The following GJB6 variants were observed in gnomAD, a reference collection of about 807,000 sequenced individuals.
The protein encoded by GJB6 is gap junction protein beta 6.
A neutral mutation model predicts 5.4 loss-of-function variants in GJB6; 5 were observed. The ratio of observed to expected loss-of-function variants is 0.92; its 90% CI spans 0.48 to 1.93. The LOEUF (loss-of-function observed/expected upper bound fraction) is 1.93, where lower values mean the gene tolerates loss of function less well. Among genes scored for constraint, GJB6 ranks in the 30% most tolerant of loss-of-function variants. The pLI, the probability that GJB6 is intolerant of heterozygous loss-of-function variation, is 0.01. For synonymous variants in GJB6, 136 were observed against 129.6 expected, an observed-to-expected ratio of 1.05 and a Z score of -0.34; for missense variants, 298 against 326.9, an observed-to-expected ratio of 0.91 and a Z score of 0.68.
intron 4 of GJB6, among the ~76,000 whole-genome samples, chr13:20,223,806 A>G (rs992748256): frequency 5.3e-5 from 8 of 151,444 alleles, no homozygotes; most frequent in African/African-American, 2.0e-4. Flanking sequence ...TCTACTAACA[A>G]TACGAAAAAA....
rs762799704 is a variant in GJB6 at position 20,223,168 on chromosome 13, TG to T, written c.312del (p.Lys105SerfsTer14). 9.9e-6 allele frequency: 16 copies of T among 1,613,512 alleles called. No individual in the cohort carries two copies. Among genetic ancestry groups the T allele is most frequent in the Non-Finnish European group, 1.1e-5 (13 of 1,179,582 alleles). ...HVAYYRHETT[R>X]KFRRGEKRND... ...TTCCTCTTCTCTCCTCGCCTGAACT[TG>T]CGAGTGGTTTCGTGCCTGTAGTAGG... On this transcript the variant is annotated frameshift_variant, in exon 5 of 5. Coordinates refer to ENST00000647029, the MANE Select transcript of GJB6 (RefSeq NM_001110219.3). LOFTEE classifies it low-confidence loss of function (END_TRUNC).
rs761985641 is a variant in GJB6 at position 20,223,372 on chromosome 13, C to T, written c.109G>A (p.Val37Met). 65 of 1,614,046 alleles carry T rather than the reference C, an allele frequency of 4.0e-5. No individual in the cohort carries two copies. Among genetic ancestry groups the T allele is most frequent in the Admixed American group, 5.0e-5 (3 of 60,002 alleles). Reference sequence around the variant, plus strand: ...CCCCACACTTCCTGGGCAGCCACCACGAGGATCATGACTCGGAAAATAAAG... The same window carrying T: ...CCCCACACTTCCTGGGCAGCCACCATGAGGATCATGACTCGGAAAATAAAG... ...VIFIFRVMIL[V>M]VAAQEVWGDE... The change falls in exon 5 of 5, where the codon GTG (valine) becomes ATG (methionine). Residue 37 changes from valine (V) to methionine (M), a missense_variant. Val to Met is a conservative substitution (Grantham distance 21). Transcript: ENST00000647029.
intron 4 of GJB6, among the ~76,000 whole-genome samples, chr13:20,224,017 G>C (rs980837389): frequency 6.6e-6 from 1 of 152,048 alleles, no homozygotes; most frequent in African/African-American, 2.4e-5. Flanking sequence ...CTTTTTGGAA[G>C]AGGGGTTAGG....
chr13:20,232,296 T>G lies in GJB6; in HGVS notation c.-522A>C, dbSNP rs1196278440. 1 of 149,942 alleles carries G rather than the reference T, an allele frequency of 6.7e-6. No individual in the cohort carries two copies. The highest frequency in any genetic ancestry group is 1.5e-5 in the Non-Finnish European group (1 of 67,662). The allele number at this position is 149,942 out of a possible 1,614,324, so 9.3% of individuals were successfully genotyped here. A position where few individuals can be genotyped will look rare whatever the true frequency, so the allele number is the denominator to read the frequency against. ...GCTCGGGCGCCGCCGGCTGTCGGGC[T>G]CTCGTCGGGTTTCGGGTGAAGGCCC... On this transcript the variant is annotated 5_prime_UTR_variant, in exon 1 of 5. Coordinates refer to ENST00000647029, the MANE Select transcript of GJB6 (RefSeq NM_001110219.3).
chr13:20,228,968 TAA>T (rs1365954420), intron 4 of GJB6, among the ~76,000 whole-genome samples: 1 of 151,948 alleles, frequency 6.6e-6, no homozygotes, highest in Non-Finnish European at 1.5e-5. Context: ...TTGATTGTTT[TAA>T]AACTTCTTAG....
chr13:20,223,403 T>A lies in GJB6; in HGVS notation c.78A>T (p.Thr26=), dbSNP rs1342011242. 1 of 1,614,066 alleles carries A rather than the reference T, an allele frequency of 6.2e-7. No individual in the cohort carries two copies. The highest frequency in any genetic ancestry group is 8.5e-7 in the Non-Finnish European group (1 of 1,179,954). ...TCATGACTCGGAAAATAAAGATGAC[T>A]GTGATCCACACCTTCCCGATGCTGG... ...HSTSIGKVWI[T]VIFIFRVMIL... is the part of the protein sequence containing the mutation. The change falls in exon 5 of 5, where the codon ACA becomes ACT. Residue 26 remains threonine (T), a synonymous_variant. Transcript: ENST00000647029.
In GJB6 at chr13:20,231,365, G is replaced by C. The variant is rs1051135545; in HGVS notation, c.-296+17C>G. ...AACCCCTCCGGGAGTGCAGAGCTGCGGGCAGGCCACACTCACCCTGACCCT... is the reference window on the plus strand; with the variant it reads ...AACCCCTCCGGGAGTGCAGAGCTGCCGGCAGGCCACACTCACCCTGACCCT... On this transcript the variant is annotated intron_variant, in intron 2 of 4. Transcript: ENST00000647029. 6 of 152,186 alleles carry C rather than the reference G, an allele frequency of 3.9e-5. No homozygotes were observed. Among genetic ancestry groups the C allele is most frequent in the Admixed American group, 1.3e-4 (2 of 15,268 alleles). The allele number at this position is 152,186 out of a possible 1,614,324, so 9.4% of individuals were successfully genotyped here. A position where few individuals can be genotyped will look rare whatever the true frequency, so the allele number is the denominator to read the frequency against.
intron 4 of GJB6, among the ~76,000 whole-genome samples, chr13:20,228,848 T>C (rs1869835216): frequency 6.6e-6 from 1 of 151,700 alleles, no homozygotes. Flanking sequence ...AAGTAAACCA[T>C]GGACTTTACT....
chr13:20,230,052 A>G (rs1013288441), intron 3 of GJB6: 2 of 152,232 alleles, frequency 1.3e-5, no homozygotes, highest in African/African-American at 2.4e-5. Flanking sequence ...GACACTGGCT[A>G]CACCCTGATC....
At chr13:20,229,315 ATTTTTTTTTTTTT>A (rs60451416) in intron 4 of GJB6, among the ~76,000 whole-genome samples, 10 of 55,296 alleles carry the variant, frequency 1.8e-4, no homozygotes, top group African/African-American at 5.0e-4. Flanking sequence ...TACCTGGTTA[ATTTTTTTTTTTTT>A]TTTTTTTTTT....
At chr13:20,226,518 A>G (rs575667730) in intron 4 of GJB6, among the ~76,000 whole-genome samples, 68 of 152,300 alleles carry the variant, frequency 4.5e-4, no homozygotes, top group Non-Finnish European at 7.4e-4. Flanking sequence ...TCCACAGTAA[A>G]TGCAGCTCCA....
intron 4 of GJB6, among the ~76,000 whole-genome samples, chr13:20,223,796 T>C (rs1484055056): frequency 2.6e-5 from 4 of 151,626 alleles, no homozygotes; most frequent in Admixed American, 6.6e-5. Context: ...AAACCCCATC[T>C]CTACTAACAA....
intron 4 of GJB6, among the ~76,000 whole-genome samples, chr13:20,227,244 C>T (rs549674500): frequency 1.1e-4 from 17 of 152,210 alleles, no homozygotes; most frequent in Non-Finnish European, 1.9e-4. Context: ...ATCAACATAG[C>T]AAAACTGAAC....
intron 4 of GJB6, among the ~76,000 whole-genome samples, chr13:20,224,843 C>G (rs979147769): frequency 1.3e-5 from 2 of 152,174 alleles, no homozygotes; most frequent in African/African-American, 4.8e-5. Context: ...CTTCTCTTCA[C>G]CGGTCTTAGA....
intron 4 of GJB6, among the ~76,000 whole-genome samples, chr13:20,229,123 C>CAAAAAA (rs5802041): frequency 1.1e-3 from 49 of 43,852 alleles, no homozygotes; most frequent in African/African-American, 4.5e-3. Flanking sequence ...TGTCATTTAG[C>CAAAAAA]AAAAAAAAAA....
intron 4 of GJB6, among the ~76,000 whole-genome samples, chr13:20,227,207 C>T (rs1869647069): frequency 1.3e-5 from 2 of 152,158 alleles, no homozygotes; most frequent in South Asian, 4.2e-4. Context: ...TTCTGGGTCC[C>T]CAAGCCACAC....
intron 4 of GJB6, among the ~76,000 whole-genome samples, chr13:20,228,547 G>C (rs530509204): frequency 4.0e-4 from 61 of 151,228 alleles, no homozygotes; most frequent in Non-Finnish European, 6.2e-4. Flanking sequence ...ACCGTGGCAC[G>C]ATCTCGGCTC....
In GJB6 at chr13:20,222,684, C is replaced by A. The variant is rs1008818567; in HGVS notation, c.*11G>T. On this transcript the variant is annotated 3_prime_UTR_variant, in exon 5 of 5. Transcript: ENST00000647029. Reference sequence around the variant, plus strand: ...CTCCTTATGACGCAGCTACATTTTACCTTGAAATGTTTAGCTTGGGAAACC... The same window carrying A: ...CTCCTTATGACGCAGCTACATTTTAACTTGAAATGTTTAGCTTGGGAAACC... The A allele has an allele frequency of 6.2e-7, 1 of 1,612,016 alleles. No homozygotes were observed. The highest frequency in any genetic ancestry group is 1.3e-5 in the African/African-American group (1 of 74,862).
chr13:20,230,959 C>T (rs1474687817), intron 2 of GJB6, 152 bp from the exon 3 acceptor site: 2 of 152,216 alleles, frequency 1.3e-5, no homozygotes, highest in Admixed American at 6.5e-5. Flanking sequence ...ATGAGGCGCT[C>T]TCCACACCCC....
Sources: allele counts gnomAD v4.1 joint callset (sites outside exome capture counted in the v4.1 genomes callset), GRCh38; gene constraint gnomAD v4.1.1; transcripts MANE v1.5; gene names NCBI Gene and HGNC (gene_info 2026-07-23, HGNC 2026-07-21).